SLC29A4: variants seen among roughly 807,000 people sequenced by gnomAD.
SLC29A4 encodes equilibrative nucleoside transporter 4.
SLC29A4 carries 36 observed loss-of-function variants against 43.9 expected under a neutral mutation model. The ratio of observed to expected loss-of-function variants is 0.82; its 90% CI spans 0.63 to 1.08. SLC29A4 has a LOEUF of 1.08. Ranked by LOEUF, SLC29A4 falls within the 50% of genes least tolerant of loss-of-function variation. The pLI is 0.00. For synonymous variants in SLC29A4, 491 were observed against 338.0 expected, an observed-to-expected ratio of 1.45 and a Z score of -4.97; for missense variants, 869 against 755.3, an observed-to-expected ratio of 1.15 and a Z score of -1.77.
In SLC29A4 at chr7:5,290,766, C is replaced by A. The variant is rs369815829; in HGVS notation, c.204C>A (p.His68Gln). The change falls in exon 3 of 11, where the codon CAC becomes CAA. Residue 68 changes from histidine to glutamine, a missense_variant. His to Gln is a conservative substitution (Grantham distance 24). Coordinates refer to ENST00000396872, the MANE Select transcript of SLC29A4 (RefSeq NM_153247.4). ...AGCCAGTGCCCGATGACCGTTATCA[C>A]GCCATCTACTTTGCGATGCTGCTGG... ...LDEPVPDDRY[H>Q]AIYFAMLLAG... is the part of the protein sequence containing the mutation. 28 of 1,613,808 alleles carry A rather than the reference C, an allele frequency of 1.7e-5. No homozygotes were observed. The highest frequency in any genetic ancestry group is 2.3e-5 in the Non-Finnish European group (27 of 1,179,872).
In SLC29A4 at chr7:5,299,460, C is replaced by T. The variant is rs199647282; in HGVS notation, c.1209+33C>T. ...GCCTGCCCTGCCCGGTGTCGGGGGA[C>T]GCCATGGGGTGGGGGTGACAAGGGA... On this transcript the variant is annotated intron_variant, in intron 9 of 10. Coordinates refer to ENST00000396872, the MANE Select transcript of SLC29A4 (RefSeq NM_153247.4). The T allele has an allele frequency of 9.9e-4, 1,574 of 1,592,562 alleles. 23 individuals are homozygous for T. In the South Asian group the frequency reaches 9.9e-3, roughly 10 times the overall value.
At chr7:5,298,908 C>T in intron 7 of SLC29A4, 80 bp from the exon 8 acceptor site, 1 of 1,515,094 alleles carries the variant, frequency 6.6e-7, no homozygotes, top group Non-Finnish European at 8.9e-7. Flanking sequence ...TGCGGCTCTT[C>T]TGATTGGGCC....
intron 1 of SLC29A4, among the ~76,000 whole-genome samples, chr7:5,286,181 G>A (rs537850166): frequency 4.6e-5 from 7 of 152,162 alleles, no homozygotes; most frequent in East Asian, 3.9e-4. Context: ...AACTCCCTAC[G>A]ACGAGCACAG....
chr7:5,288,135 A>G, intron 2 of SLC29A4, 150 bp downstream of exon 2: 2 of 1,074,916 alleles, frequency 1.9e-6, no homozygotes, highest in African/African-American at 1.6e-5. Context: ...TCTGCTGCAT[A>G]ACAAACACGC....
intron 5 of SLC29A4, among the ~76,000 whole-genome samples, chr7:5,293,478 A>G (rs1407943402): frequency 6.6e-6 from 1 of 152,114 alleles, no homozygotes; most frequent in Admixed American, 6.6e-5. Flanking sequence ...CCAGCTTGGT[A>G]GACTTTCAAA....
rs1785337058 is a variant in SLC29A4 at position 5,291,953 on chromosome 7, C to G, written c.544+132C>G. On this transcript the variant is annotated intron_variant, in intron 5 of 10. Transcript: ENST00000396872. ...TGGCTGGGTGCCAGGTGTGTGTCCACCTGCATGCCAGCGTGCACACCGGCT... is the reference window on the plus strand; with the variant it reads ...TGGCTGGGTGCCAGGTGTGTGTCCAGCTGCATGCCAGCGTGCACACCGGCT... The G allele has an allele frequency of 3.1e-6, 4 of 1,305,036 alleles. No individual in the cohort carries two copies. The South Asian group carries it at 5.9e-5, about 19-fold the overall frequency. The allele number at this position is 1,305,036 out of a possible 1,614,324, so 80.8% of individuals were successfully genotyped here. A position where few individuals can be genotyped will look rare whatever the true frequency, so the allele number is the denominator to read the frequency against.
rs56166050 is a variant in SLC29A4 at position 5,303,349 on chromosome 7, C to T, written c.*410C>T. 45,625 of 234,544 alleles carry T rather than the reference C, an allele frequency of 0.19. 4,954 individuals carry two copies. Among genetic ancestry groups the T allele is most frequent in the Middle Eastern group, 0.25 (164 of 664 alleles). 14.5% of individuals were successfully genotyped at this position (234,544 alleles called of 1,614,324 possible). On this transcript the variant is annotated 3_prime_UTR_variant, in exon 11 of 11. Coordinates refer to ENST00000396872, the MANE Select transcript of SLC29A4 (RefSeq NM_153247.4). ...GCCCTCATCACCCACCGGCACTGAT[C>T]GGGGCACCGCCTGGCCCAGCCTCCA...
chr7:5,303,786 G>C lies in SLC29A4; in HGVS notation c.*847G>C, dbSNP rs924666346. 1.3e-5 allele frequency: 2 copies of C among 152,260 alleles called. No homozygotes were observed. The highest frequency in any genetic ancestry group is 4.8e-5 in the African/African-American group (2 of 41,444). The allele number at this position is 152,260 out of a possible 1,614,324, so 9.4% of individuals were successfully genotyped here. On this transcript the variant is annotated 3_prime_UTR_variant, in exon 11 of 11. Coordinates refer to ENST00000396872, the MANE Select transcript of SLC29A4 (RefSeq NM_153247.4). ...TTGACCCTCATCCAGCAAGGGACTC[G>C]ACAGACCCAAGGGTCCCTGGAACGT...
rs1463836344 is a variant in SLC29A4, at chr7:5,304,812, A to G, written c.*1873A>G. On this transcript the variant is annotated 3_prime_UTR_variant, in exon 11 of 11. Transcript: ENST00000396872. The stretch of plus-strand genomic sequence containing the variant: ...AGCCACTGCACCCGTCCTGTGCCTC[A>G]TTTTTGTTTTTTCTTTCTTTACAAG... The G allele has an allele frequency of 2.0e-5, 3 of 149,494 alleles. No individual in the cohort carries two copies. Among genetic ancestry groups the G allele is most frequent in the Admixed American group, 6.6e-5 (1 of 15,050 alleles). The allele number at this position is 149,494 out of a possible 1,614,324, so 9.3% of individuals were successfully genotyped here.
chr7:5,291,932 T>G, intron 5 of SLC29A4, 111 bp downstream of exon 5: 2 of 1,461,520 alleles, frequency 1.4e-6, no homozygotes, highest in South Asian at 2.7e-5. Flanking sequence ...CCGGGCTGGC[T>G]GGGTGCCAGG....
intron 4 of SLC29A4, among the ~76,000 whole-genome samples, 177 bp from the exon 5 acceptor site, chr7:5,291,515 TG>T (rs2128088226): frequency 6.6e-6 from 1 of 152,306 alleles, no homozygotes; most frequent in African/African-American, 2.4e-5. Context: ...CCGGCTCAAA[TG>T]GTGCCTCCTA....
intron 2 of SLC29A4, 103 bp from the exon 3 acceptor site, chr7:5,290,629 A>T (rs1785242295): frequency 1.4e-6 from 2 of 1,448,274 alleles, no homozygotes; most frequent in Non-Finnish European, 1.9e-6. Context: ...GGTGATGGAC[A>T]GTGGCTATGG....
Position 5,296,626 on chromosome 7 carries a change from G to A in SLC29A4, c.620-310G>A, listed in dbSNP as rs550406294. On this transcript the variant is annotated intron_variant, in intron 6 of 10. Coordinates refer to ENST00000396872, the MANE Select transcript of SLC29A4 (RefSeq NM_153247.4). Reference sequence around the variant, plus strand: ...GGGATGCAGCTGGGCGTGGCTGAGTGGGGGCGGAGCTGAGTGGGGGCGGGA... The same window carrying A: ...GGGATGCAGCTGGGCGTGGCTGAGTAGGGGCGGAGCTGAGTGGGGGCGGGA... 7.9e-3 allele frequency among the ~76,000 whole-genome samples: 1,010 copies of A among 128,428 alleles called. 54 individuals carry two copies. Among genetic ancestry groups the A allele is most frequent in the African/African-American group, 0.03 (926 of 30,590 alleles). The allele number at this position is 128,428 out of a possible 152,430, so 84.3% of individuals were successfully genotyped here.
chr7:5,283,319 C>T (rs922328425), intron 1 of SLC29A4, among the ~76,000 whole-genome samples: 2 of 151,710 alleles, frequency 1.3e-5, no homozygotes, highest in African/African-American at 2.4e-5. Context: ...TGGAGGGGGT[C>T]GGCGCCACCG....
In SLC29A4 at chr7:5,293,962, C is replaced by T. The variant is rs374094475; in HGVS notation, c.545-898C>T. Among the ~76,000 whole-genome samples the T allele has an allele frequency of 5.0e-4, 76 of 151,546 alleles. No individual in the cohort carries two copies. The East Asian group carries it at 0.011, about 23-fold the overall frequency. Reference sequence around the variant, plus strand: ...TCTACTAAAAATACAAAAAATTAGCCGGGTGTGGTGGTGTGTGCCTGTAAT... The same window carrying T: ...TCTACTAAAAATACAAAAAATTAGCTGGGTGTGGTGGTGTGTGCCTGTAAT... On this transcript the variant is annotated intron_variant, in intron 5 of 10. Coordinates refer to ENST00000396872, the MANE Select transcript of SLC29A4 (RefSeq NM_153247.4).
intron 2 of SLC29A4, among the ~76,000 whole-genome samples, 184 bp downstream of exon 2, chr7:5,288,169 T>G (rs1427197166): frequency 6.6e-6 from 1 of 152,166 alleles, no homozygotes; most frequent in Non-Finnish European, 1.5e-5. Flanking sequence ...GTCTCCGCCC[T>G]GATGCTGCAT....
intron 5 of SLC29A4, 150 bp from the exon 6 acceptor site, chr7:5,294,710 C>T: frequency 1.3e-6 from 1 of 788,754 alleles, no homozygotes; most frequent in South Asian, 1.5e-5. Flanking sequence ...GGCTGGTGTT[C>T]CTACTGCTGC....
Position 5,296,894 on chromosome 7 carries a change from G to T in SLC29A4, c.620-42G>T, listed in dbSNP as rs748185132. 23 of 1,537,806 alleles carry T rather than the reference G, an allele frequency of 1.5e-5. No individual in the cohort carries two copies. In the East Asian group the frequency reaches 5.0e-4, roughly 34 times the overall value. On this transcript the variant is annotated intron_variant, in intron 6 of 10. Transcript: ENST00000396872. ...GGGGCGGGACGGGGCGGTGCAGGGA[G>T]CTGGGCGGATCAGGCCCCGGCCCAC...
chr7:5,300,418 G>T lies in SLC29A4; in HGVS notation c.1210-4G>T. The stretch of plus-strand genomic sequence containing the variant: ...AGGGCGCCCACTTGCCTGGCTCTCT[G>T]CAGATCCTGGCAGCCCTGCCCGTGG... On this transcript the variant is annotated splice_polypyrimidine_tract_variant and splice_region_variant and intron_variant, in intron 9 of 10. Coordinates refer to ENST00000396872, the MANE Select transcript of SLC29A4 (RefSeq NM_153247.4). The T allele has an allele frequency of 6.2e-7, 1 of 1,611,112 alleles. No homozygotes were observed. Among genetic ancestry groups the T allele is most frequent in the South Asian group, 1.1e-5 (1 of 90,980 alleles).
Sources: allele counts gnomAD v4.1 joint callset (sites outside exome capture counted in the v4.1 genomes callset), GRCh38; gene constraint gnomAD v4.1.1; transcripts MANE v1.5; gene names NCBI Gene and HGNC (gene_info 2026-07-23, HGNC 2026-07-21).